Variants in HECW2 observed in about 807,000 individuals in gnomAD.
HECW2 encodes the protein E3 ubiquitin-protein ligase HECW2.
In HECW2, 61 loss-of-function variants were observed where a neutral mutation model predicts 175.2. The observed-to-expected ratio is 0.35, with a 90% confidence interval of 0.28 to 0.43. The LOEUF (loss-of-function observed/expected upper bound fraction) is 0.43, where lower values mean the gene tolerates loss of function less well. Among genes scored for constraint, HECW2 ranks in the 20% least tolerant of loss-of-function variants. The pLI, the probability that HECW2 is intolerant of heterozygous loss-of-function variation, is 1.00. For missense variants in HECW2, 1,524 were observed against 2,000.5 expected, an observed-to-expected ratio of 0.76 and a Z score of 4.54; for synonymous variants, 671 against 731.0, an observed-to-expected ratio of 0.92 and a Z score of 1.32.
intron 2 of HECW2, among the ~76,000 whole-genome samples, chr2:196,344,465 G>T (rs1388658528): frequency 6.6e-6 from 1 of 151,632 alleles, no homozygotes; most frequent in Non-Finnish European, 1.5e-5. Flanking sequence ...GGTAGTATTT[G>T]TATGGCAACA....
chr2:196,481,828 T>TA (rs769592325), intron 1 of HECW2, among the ~76,000 whole-genome samples: 1 of 152,142 alleles, frequency 6.6e-6, no homozygotes, highest in Non-Finnish European at 1.5e-5. Context: ...AAAAGGGACT[T>TA]ACATGCTCTT....
chr2:196,504,356 G>A (rs140201246), intron 1 of HECW2, among the ~76,000 whole-genome samples: 11 of 149,908 alleles, frequency 7.3e-5, no homozygotes, highest in Middle Eastern at 3.6e-3. Context: ...CACAGGTGCC[G>A]GGACCCTGTT....
At chr2:196,358,540 C>T (rs144746006) in intron 2 of HECW2, among the ~76,000 whole-genome samples, 4 of 117,760 alleles carry the variant, frequency 3.4e-5, no homozygotes, top group African/African-American at 1.3e-4. Flanking sequence ...GAGCCGAGAT[C>T]GCGCCACTGC....
At chr2:196,254,339 G>T (rs1688969309) in intron 18 of HECW2, among the ~76,000 whole-genome samples, 1 of 152,112 alleles carries the variant, frequency 6.6e-6, no homozygotes, top group African/African-American at 2.4e-5. Flanking sequence ...TTGGAAACAG[G>T]ATTCCAACAC....
chr2:196,459,752 G>C (rs1696664227), intron 1 of HECW2, among the ~76,000 whole-genome samples: 1 of 152,126 alleles, frequency 6.6e-6, no homozygotes, highest in South Asian at 2.1e-4. Context: ...ACAGACCACA[G>C]AGTGGTTCTG....
At chr2:196,281,194 G>C (rs1396234675) in intron 14 of HECW2, among the ~76,000 whole-genome samples, 3 of 152,164 alleles carry the variant, frequency 2.0e-5, no homozygotes, top group Non-Finnish European at 4.4e-5. Flanking sequence ...TTGCAGTAGT[G>C]ACTGTATCTT....
intron 1 of HECW2, among the ~76,000 whole-genome samples, chr2:196,572,622 T>C (rs1231814675): frequency 6.6e-6 from 1 of 152,246 alleles, no homozygotes; most frequent in Non-Finnish European, 1.5e-5. Flanking sequence ...ACTAAATGTT[T>C]GTGCTTGCCC....
chr2:196,553,988 G>A (rs1265736209), intron 1 of HECW2, among the ~76,000 whole-genome samples: 1 of 152,212 alleles, frequency 6.6e-6, no homozygotes, highest in Non-Finnish European at 1.5e-5. Flanking sequence ...CCAAGAGGTT[G>A]TTTGCCAGGG....
In HECW2 at chr2:196,250,883, G is replaced by C. The variant is rs537998828; in HGVS notation, c.3529+3037C>G. ...TTTACCTCCAGATTTCGTGAAAAGA[G>C]CATTTGACTTCTGCTTCAGATCCTG... is the stretch of plus-strand genomic sequence containing the variant. On this transcript the variant is annotated intron_variant, in intron 19 of 28. Coordinates refer to ENST00000644978, the MANE Select transcript of HECW2 (RefSeq NM_001348768.2). 4.6e-5 allele frequency among the ~76,000 whole-genome samples: 7 copies of C among 152,208 alleles called. No individual in the cohort carries two copies. The South Asian group carries it at 1.5e-3, about 32-fold the overall frequency.
In HECW2 at chr2:196,320,374, T is replaced by C; in HGVS notation, c.950A>G (p.Gln317Arg). The C allele has an allele frequency of 6.2e-7, 1 of 1,612,266 alleles. No individual in the cohort carries two copies. The highest frequency in any genetic ancestry group is 1.1e-5 in the South Asian group (1 of 90,944). ...LPADHVSGYLQFKVEVTSSVH... is the reference protein window; with the variant it reads ...LPADHVSGYLRFKVEVTSSVH... Reference sequence around the variant, plus strand: ...AGAAGACGTAACCTCCACTTTAAACTGGAGGTACCCACTCACGTGGTCAGC... The same window carrying C: ...AGAAGACGTAACCTCCACTTTAAACCGGAGGTACCCACTCACGTGGTCAGC... Residue 317 changes from glutamine to arginine, a missense_variant, in exon 8 of 29, where the codon CAG (glutamine) becomes CGG (arginine). Gln to Arg is a conservative substitution (Grantham distance 43). Transcript: ENST00000644978.
chr2:196,306,154 A>C (rs963954872), intron 13 of HECW2, among the ~76,000 whole-genome samples: 8 of 151,970 alleles, frequency 5.3e-5, no homozygotes, highest in Admixed American at 6.6e-5. Context: ...TGGAGGGAGA[A>C]GATGCTATCT....
Position 196,225,862 on chromosome 2 carries a change from A to T in HECW2, c.3926T>A (p.Phe1309Tyr). The T allele has an allele frequency of 6.2e-7, 1 of 1,607,530 alleles. No individual in the cohort carries two copies. The highest frequency in any genetic ancestry group is 1.3e-5 in the African/African-American group (1 of 74,936). Residue 1309 changes from phenylalanine to tyrosine, a missense_variant, in exon 23 of 29, where the codon TTC (phenylalanine) becomes TAC (tyrosine). By Grantham distance (22) the Phe-to-Tyr change is conservative. Transcript: ENST00000644978. ...FVDNHHEWFR[F>Y]SGRILGLALI... is the part of the protein sequence containing the mutation. ...TGCAAGACCAAGGATCCTACCACTG[A>T]ATCGGAACCTGTGAAGGAAACACAT...
At chr2:196,558,857 A>C (rs751298660) in intron 1 of HECW2, among the ~76,000 whole-genome samples, 10 of 152,172 alleles carry the variant, frequency 6.6e-5, no homozygotes, top group Non-Finnish European at 1.3e-4. Context: ...ATCCTTACTT[A>C]GTTTAGCTGG....
intron 1 of HECW2, among the ~76,000 whole-genome samples, chr2:196,536,420 G>T (rs1229450013): frequency 2.0e-5 from 3 of 152,140 alleles, no homozygotes; most frequent in Non-Finnish European, 4.4e-5. Flanking sequence ...ATGTCAGTGG[G>T]CACTTGCTTT....
intron 1 of HECW2, among the ~76,000 whole-genome samples, chr2:196,457,809 C>T (rs548211379): frequency 1.1e-4 from 16 of 143,214 alleles, no homozygotes; most frequent in Middle Eastern, 3.6e-3. Context: ...TACTCATACC[C>T]GCTACTACAC....
chr2:196,463,142 C>T (rs756374022), intron 1 of HECW2, among the ~76,000 whole-genome samples: 4 of 152,144 alleles, frequency 2.6e-5, no homozygotes, highest in South Asian at 2.1e-4. Flanking sequence ...CATCAAAAAC[C>T]CTGTTGGGTG....
chr2:196,487,590 C>A (rs1687052260), intron 1 of HECW2, among the ~76,000 whole-genome samples: 2 of 152,180 alleles, frequency 1.3e-5, no homozygotes, highest in Admixed American at 6.5e-5. Context: ...TTGGTCACAG[C>A]ACCAGCAGAA....
chr2:196,494,353 C>T (rs1359631303), intron 1 of HECW2, among the ~76,000 whole-genome samples: 1 of 152,166 alleles, frequency 6.6e-6, no homozygotes, highest in Non-Finnish European at 1.5e-5. Context: ...ATTCTAGTAG[C>T]ATTGTGGAGG....
At chr2:196,380,291 A>G (rs781477363) in intron 2 of HECW2, among the ~76,000 whole-genome samples, 7 of 152,200 alleles carry the variant, frequency 4.6e-5, no homozygotes, top group Non-Finnish European at 7.3e-5. Context: ...CTCTGCCTTA[A>G]CTTTTACTTC....
Sources: allele counts gnomAD v4.1 joint callset (sites outside exome capture counted in the v4.1 genomes callset), GRCh38; gene constraint gnomAD v4.1.1; transcripts MANE v1.5; gene names NCBI Gene and HGNC (gene_info 2026-07-23, HGNC 2026-07-21).